The following GLI3 variants were observed in gnomAD, a reference collection of about 807,000 sequenced individuals.
GLI3 encodes GLI family zinc finger 3.
In GLI3, 20 loss-of-function variants were observed where a neutral mutation model predicts 100.8. The ratio of observed to expected loss-of-function variants is 0.20; its 90% CI spans 0.14 to 0.29. The LOEUF (loss-of-function observed/expected upper bound fraction) is 0.29. Among genes scored for constraint, GLI3 ranks in the 10% least tolerant of loss-of-function variants. GLI3 has a pLI of 1.00. For missense variants in GLI3, 2,040 were observed against 2,128.5 expected (o/e 0.96, Z 0.82); for synonymous variants, 938 against 860.5 (o/e 1.09, Z -1.58).
chr7:42,254,217 T>TTAAAAAA (rs1789062391), intron 1 of GLI3, among the ~76,000 whole-genome samples: 1 of 118,520 alleles, frequency 8.4e-6, no homozygotes, highest in Non-Finnish European at 1.7e-5. Flanking sequence ...AAAACTCCGT[T>TTAAAAAA]AAAAAAAAAA....
In GLI3 at chr7:42,045,453, C is replaced by T. The variant is rs1374756770; in HGVS notation, c.757G>A (p.Asp253Asn). The T allele has an allele frequency of 6.2e-7, 1 of 1,614,018 alleles. No individual in the cohort carries two copies. The highest frequency in any genetic ancestry group is 8.5e-7 in the Non-Finnish European group (1 of 1,179,874). ...GCGGTGGCAGCTGAGGGAATAATGT[C>T]TGCATAGGGGCTGCGCTGGCCAGTT... ...LLTGQRSPYA[D>N]IIPSAATAGT... is the part of the protein sequence containing the mutation. Residue 253 changes from aspartate (D) to asparagine (N), a missense_variant, in exon 6 of 15, where the codon GAC becomes AAC. This residue lies in a region of GLI3 where 603 missense variants were observed against 690.9 expected (regional missense o/e 0.87). Coordinates refer to ENST00000395925, the MANE Select transcript of GLI3 (RefSeq NM_000168.6).
intron 4 of GLI3, among the ~76,000 whole-genome samples, chr7:42,052,834 A>G (rs1297718207): frequency 6.6e-6 from 1 of 152,170 alleles, no homozygotes; most frequent in Non-Finnish European, 1.5e-5. Context: ...TGTGACAAAA[A>G]TGAGTTTCTA....
chr7:42,042,987 A>C (rs1784175499), intron 6 of GLI3, among the ~76,000 whole-genome samples: 2 of 152,134 alleles, frequency 1.3e-5, no homozygotes, highest in African/African-American at 2.4e-5. Flanking sequence ...TCTGTCCTAC[A>C]TCTTGCTGAA....
rs371519486 is a variant in GLI3 at position 42,109,121 on chromosome 7, C to T, written c.368-32264G>A. Among the ~76,000 whole-genome samples the T allele has an allele frequency of 7.9e-5, 12 of 152,266 alleles. No homozygotes were observed. The East Asian group carries it at 1.5e-3, about 20-fold the overall frequency. ...CATTAAGTGTAATTGCTTTTCTATG[C>T]GATAGCTCTTTAAGTACTGGTAGAC... On this transcript the variant is annotated intron_variant, in intron 3 of 14. Transcript: ENST00000395925.
At chr7:41,982,712 A>G (rs866946221) in intron 10 of GLI3, among the ~76,000 whole-genome samples, 10 of 152,078 alleles carry the variant, frequency 6.6e-5, no homozygotes, top group South Asian at 2.1e-4. Context: ...AAAAAAAAAA[A>G]AAAGAAAATA....
At chr7:42,113,885 G>T (rs902878055) in intron 3 of GLI3, among the ~76,000 whole-genome samples, 1 of 152,134 alleles carries the variant, frequency 6.6e-6, no homozygotes, top group African/African-American at 2.4e-5. Context: ...AGGAGGAGGG[G>T]GGACTCCCTG....
intron 2 of GLI3, among the ~76,000 whole-genome samples, chr7:42,214,005 T>C (rs1368483702): frequency 6.6e-6 from 1 of 152,196 alleles, no homozygotes; most frequent in Admixed American, 6.5e-5. Flanking sequence ...CTTTAAATGA[T>C]AGAACTAAAA....
At chr7:42,030,712 T>G (rs55778833) in intron 7 of GLI3, among the ~76,000 whole-genome samples, 1 of 145,186 alleles carries the variant, frequency 6.9e-6, no homozygotes, top group Admixed American at 6.8e-5. Flanking sequence ...TTTTTTTTTG[T>G]TTTTTTGTTT....
chr7:42,232,497 G>A (rs576983905), intron 1 of GLI3, among the ~76,000 whole-genome samples: 23 of 151,814 alleles, frequency 1.5e-4, no homozygotes, highest in African/African-American at 4.6e-4. Context: ...GGCCCGGGCA[G>A]ACAATGAATT....
intron 3 of GLI3, among the ~76,000 whole-genome samples, chr7:42,112,049 T>C (rs1473917578): frequency 2.0e-5 from 3 of 152,168 alleles, no homozygotes; most frequent in Non-Finnish European, 4.4e-5. Flanking sequence ...GACAAAAAAG[T>C]GTGCCAGATG....
intron 4 of GLI3, among the ~76,000 whole-genome samples, chr7:42,056,686 C>G (rs180835454): frequency 1.3e-5 from 2 of 151,774 alleles, no homozygotes; most frequent in Non-Finnish European, 2.9e-5. Context: ...CATAGTGGCT[C>G]GTGCCTATAA....
At chr7:42,222,735 T>A (rs1788509946) in intron 2 of GLI3, 1 of 229,934 alleles carries the variant, frequency 4.3e-6, no homozygotes, top group African/African-American at 2.3e-5. Flanking sequence ...ACTGCTGTCC[T>A]GTCACTAATT....
At chr7:42,210,593 T>C (rs1405182449) in intron 2 of GLI3, among the ~76,000 whole-genome samples, 2 of 152,010 alleles carry the variant, frequency 1.3e-5, no homozygotes, top group Non-Finnish European at 2.9e-5. Flanking sequence ...TAAGAAAGGG[T>C]TTTTCTCTTC....
intron 10 of GLI3, among the ~76,000 whole-genome samples, chr7:42,008,712 G>A (rs992475392): frequency 1.3e-5 from 2 of 152,150 alleles, no homozygotes; most frequent in African/African-American, 4.8e-5. Context: ...CCAGACTAAG[G>A]TGCTCTTTTC....
intron 10 of GLI3, among the ~76,000 whole-genome samples, chr7:42,011,127 T>C (rs1180975093): frequency 6.6e-6 from 1 of 152,196 alleles, no homozygotes; most frequent in Non-Finnish European, 1.5e-5. Flanking sequence ...GTGGCCACTG[T>C]AGATGTGGCC....
chr7:41,967,956 C>T (rs1182605930), intron 13 of GLI3, 33 bp from the exon 14 acceptor site: 1 of 1,562,882 alleles, frequency 6.4e-7, no homozygotes, highest in Non-Finnish European at 8.8e-7. Context: ...AAAGAAATGT[C>T]ACCAGGGAGG....
chr7:42,006,036 C>T (rs952450393), intron 10 of GLI3, among the ~76,000 whole-genome samples: 7 of 152,182 alleles, frequency 4.6e-5, no homozygotes, highest in African/African-American at 1.7e-4. Flanking sequence ...GTTGCTTTGC[C>T]ACTTATCCCT....
At chr7:42,192,102 T>C (rs940781398) in intron 2 of GLI3, among the ~76,000 whole-genome samples, 1 of 152,164 alleles carries the variant, frequency 6.6e-6, no homozygotes, top group African/African-American at 2.4e-5. Flanking sequence ...TTGTACCTTA[T>C]AAAAATGTCA....
chr7:41,977,864 T>G (rs1787550814), intron 11 of GLI3, 142 bp from the exon 12 acceptor site: 1 of 751,428 alleles, frequency 1.3e-6, no homozygotes, highest in Admixed American at 1.9e-5. Flanking sequence ...TCCACTAAAC[T>G]CTGCATTTAT....
Sources: allele counts gnomAD v4.1 joint callset (sites outside exome capture counted in the v4.1 genomes callset), GRCh38; gene constraint gnomAD v4.1.1; regional missense constraint gnomAD v4.1.1; transcripts MANE v1.5; gene names NCBI Gene and HGNC (gene_info 2026-07-23, HGNC 2026-07-21).